Variants in NPAS3 observed in about 807,000 individuals in gnomAD.
The protein encoded by NPAS3 is neuronal PAS domain protein 3, also known as neuronal PAS domain-containing protein 3.
NPAS3 carries 14 observed loss-of-function variants against 73.1 expected under a neutral mutation model. The observed-to-expected ratio is 0.19, with a 90% CI of 0.13 to 0.30. The LOEUF (loss-of-function observed/expected upper bound fraction) is 0.30, where lower values mean the gene tolerates loss of function less well. NPAS3 is among the 10% of genes least tolerant of loss of function. The probability of loss-of-function intolerance (pLI) is 1.00; values close to 1 mark genes in which losing one functional copy is unlikely to be tolerated. For missense variants in NPAS3, 1,096 were observed against 1,250.0 expected, an observed-to-expected ratio of 0.88 and a Z score of 1.86; for synonymous variants, 620 against 541.5, an observed-to-expected ratio of 1.14 and a Z score of -2.01.
chr14:32,937,442 G>T (rs1325923217), upstream of NPAS3, among the ~76,000 whole-genome samples: 1 of 152,080 alleles, frequency 6.6e-6, no homozygotes, highest in African/African-American at 2.4e-5. Flanking sequence ...CCTAGACTGG[G>T]TGTCCTGGAG....
intron 5 of NPAS3, among the ~76,000 whole-genome samples, chr14:33,594,048 A>G (rs1354354700): frequency 6.6e-6 from 1 of 152,204 alleles, no homozygotes; most frequent in African/African-American, 2.4e-5. Context: ...TCTGAATGCC[A>G]TACTTCTGGC....
chr14:33,679,827 G>C (rs995867919), intron 6 of NPAS3, among the ~76,000 whole-genome samples: 1 of 152,132 alleles, frequency 6.6e-6, no homozygotes, highest in Non-Finnish European at 1.5e-5. Context: ...TCAGCCTCAG[G>C]ATAATGGAGG....
chr14:33,004,136 A>G (rs888183555), intron 1 of NPAS3, among the ~76,000 whole-genome samples: 1 of 152,212 alleles, frequency 6.6e-6, no homozygotes, highest in African/African-American at 2.4e-5. Flanking sequence ...CATGTAGAAA[A>G]CACTCAAATA....
At chr14:33,458,092 A>G (rs1157683191) in intron 4 of NPAS3, among the ~76,000 whole-genome samples, 1 of 152,218 alleles carries the variant, frequency 6.6e-6, no homozygotes, top group African/African-American at 2.4e-5. Flanking sequence ...TGAATATTGT[A>G]GCAAGACCAC....
At chr14:33,803,628 G>A (rs1056942446), downstream of NPAS3, 1 of 150,460 alleles carries the variant, frequency 6.6e-6, no homozygotes, top group Non-Finnish European at 1.5e-5. Context: ...TTTCTGTGTT[G>A]TGTCAAAATG....
chr14:33,336,385 G>C (rs2044226520), intron 3 of NPAS3, among the ~76,000 whole-genome samples: 2 of 152,280 alleles, frequency 1.3e-5, no homozygotes, highest in Admixed American at 1.3e-4. Flanking sequence ...CCTTGATTTT[G>C]TAGGACAGAA....
At chr14:33,774,232 C>A in intron 7 of NPAS3, 105 bp from the exon 8 acceptor site, 1 of 806,440 alleles carries the variant, frequency 1.2e-6, no homozygotes, top group Non-Finnish European at 2.0e-6. Flanking sequence ...AAGATACAAG[C>A]TAATGTTGGT....
chr14:33,652,562 G>A (rs1366072935), intron 5 of NPAS3, among the ~76,000 whole-genome samples: 2 of 152,166 alleles, frequency 1.3e-5, no homozygotes, highest in African/African-American at 2.4e-5. Flanking sequence ...ACAGGGGACC[G>A]CCGGCAACTT....
At chr14:33,174,193 G>A (rs1241539526) in intron 2 of NPAS3, among the ~76,000 whole-genome samples, 1 of 152,172 alleles carries the variant, frequency 6.6e-6, no homozygotes, top group Admixed American at 6.5e-5. Context: ...TGCCTTTGAG[G>A]TGCAGATGCC....
intron 1 of NPAS3, among the ~76,000 whole-genome samples, chr14:33,009,852 C>T (rs761621303): frequency 4.0e-4 from 61 of 152,224 alleles, no homozygotes; most frequent in Non-Finnish European, 5.6e-4. Flanking sequence ...ACCAAGCAGG[C>T]GCAGACAAGA....
At chr14:33,154,340 C>G (rs1253572916) in intron 2 of NPAS3, among the ~76,000 whole-genome samples, 2 of 152,190 alleles carry the variant, frequency 1.3e-5, no homozygotes, top group African/African-American at 4.8e-5. Context: ...CACCTTTGAT[C>G]CTAAGGAATG....
chr14:33,207,809 G>T lies in NPAS3; in HGVS notation c.141-7373G>T, dbSNP rs192501250. On this transcript the variant is annotated intron_variant, in intron 2 of 11. Transcript: ENST00000356141. ...CCACAAAAGCAATTGATTGGTCTTG[G>T]CATTTAGTCTTATATCAGCTGTGTC... Among the ~76,000 whole-genome samples the T allele has an allele frequency of 4.9e-3, 751 of 152,228 alleles. 5 individuals are homozygous for T. Among genetic ancestry groups the T allele is most frequent in the African/African-American group, 0.017 (699 of 41,544 alleles).
intron 3 of NPAS3, among the ~76,000 whole-genome samples, chr14:33,268,637 A>G (rs1235115632): frequency 2.0e-5 from 3 of 152,280 alleles, no homozygotes; most frequent in Admixed American, 6.5e-5. Flanking sequence ...TGATATGCCT[A>G]TCACTTACTG....
At chr14:33,557,100 G>GAT (rs2055389895) in intron 4 of NPAS3, among the ~76,000 whole-genome samples, 6 of 152,128 alleles carry the variant, frequency 3.9e-5, no homozygotes, top group Non-Finnish European at 8.8e-5. Flanking sequence ...GTAAAGATAT[G>GAT]TTGAAATTAG....
chr14:33,703,090 G>A (rs1250690459), intron 6 of NPAS3, among the ~76,000 whole-genome samples: 1 of 152,170 alleles, frequency 6.6e-6, no homozygotes, highest in African/African-American at 2.4e-5. Flanking sequence ...TGGAGGTGGG[G>A]TGGGGGAAGA....
chr14:33,133,211 T>C (rs1290216997), intron 2 of NPAS3, among the ~76,000 whole-genome samples: 1 of 152,134 alleles, frequency 6.6e-6, no homozygotes, highest in Non-Finnish European at 1.5e-5. Context: ...AATTGTATTA[T>C]AGGCACCAAG....
chr14:33,339,679 A>G (rs1314496123), intron 3 of NPAS3, among the ~76,000 whole-genome samples: 1 of 152,216 alleles, frequency 6.6e-6, no homozygotes, highest in African/African-American at 2.4e-5. Flanking sequence ...GTCCTGTCAA[A>G]TGACATAAAT....
At chr14:32,979,699 A>T (rs574028434) in intron 1 of NPAS3, among the ~76,000 whole-genome samples, 16 of 152,298 alleles carry the variant, frequency 1.1e-4, no homozygotes, top group African/African-American at 3.9e-4. Flanking sequence ...TATTACAATG[A>T]ATATTTAAAG....
chr14:33,328,245 T>C (rs954083966), intron 3 of NPAS3, among the ~76,000 whole-genome samples: 2 of 152,002 alleles, frequency 1.3e-5, no homozygotes, highest in Admixed American at 6.6e-5. Flanking sequence ...CTCTCAGGTA[T>C]AGAGCTTCTT....
Sources: allele counts gnomAD v4.1 joint callset (sites outside exome capture counted in the v4.1 genomes callset), GRCh38; gene constraint gnomAD v4.1.1; transcripts MANE v1.5; gene names NCBI Gene and HGNC (gene_info 2026-07-23, HGNC 2026-07-21).